The following AGPAT4 variants were observed in gnomAD, a reference collection of about 807,000 sequenced individuals.
AGPAT4 encodes 1-acyl-sn-glycerol-3-phosphate acyltransferase delta.
AGPAT4 carries 15 observed loss-of-function variants against 48.0 expected under a neutral mutation model. The observed-to-expected ratio is 0.31, with a 90% CI of 0.21 to 0.48. The LOEUF (loss-of-function observed/expected upper bound fraction) is 0.48. AGPAT4 is among the 20% of genes least tolerant of loss of function. The pLI is 0.99. For synonymous variants in AGPAT4, 178 were observed against 198.7 expected (o/e 0.90, Z 0.88); for missense variants, 314 against 482.5 (o/e 0.65, Z 3.27).
At chr6:161,172,583 G>A (rs1780295601) in intron 2 of AGPAT4, among the ~76,000 whole-genome samples, 1 of 152,214 alleles carries the variant, frequency 6.6e-6, no homozygotes, top group African/African-American at 2.4e-5. Flanking sequence ...CAGAGATGTG[G>A]TCAGGGCTTC....
At position 161,261,468 on chromosome 6, in the gene AGPAT4, G is replaced by GA. The variant is rs1783097573; in HGVS notation, c.-90+12469dup. ...GGTGGTTAATAAATATCCATAGAAT[G>GA]AATGAACTGAATGGTCAGTCACATT... On this transcript the variant is annotated intron_variant, in intron 1 of 8. Transcript: ENST00000320285. This position sits in a 1 kb window ranked among gnomAD's most constrained non-coding sequence, Gnocchi z 5.3. 6.6e-6 allele frequency among the ~76,000 whole-genome samples: 1 copy of GA among 152,194 alleles called. No homozygotes were observed. The highest frequency in any genetic ancestry group is 2.1e-4 in the South Asian group (1 of 4,822).
In AGPAT4 at chr6:161,170,473, GCACA is replaced by G. The variant is rs3839450; in HGVS notation, c.179-4060_179-4057del. Among the ~76,000 whole-genome samples, 442 of 32,636 alleles carry G rather than the reference GCACA, an allele frequency of 0.014. 6 individuals carry two copies. In the South Asian group the frequency reaches 0.15, roughly 11 times the overall value. The allele number at this position is 32,636 out of a possible 152,430, so 21.4% of individuals were successfully genotyped here. ...CATGCGCGTGCACACGTGCGCGCGC[GCACA>G]CACACACACACACACACACACACAC... On this transcript the variant is annotated intron_variant, in intron 2 of 8. Transcript: ENST00000320285.
At position 161,184,448 on chromosome 6, in the gene AGPAT4, T is replaced by G. The variant is rs990250194; in HGVS notation, c.179-18031A>C. Reference sequence around the variant, plus strand: ...GGAGAGGAAGGTGTGTGGAGGGAGATAGAGGGGCAGGTGATGGAGGAGTCT... The same window carrying G: ...GGAGAGGAAGGTGTGTGGAGGGAGAGAGAGGGGCAGGTGATGGAGGAGTCT... On this transcript the variant is annotated intron_variant, in intron 2 of 8. Transcript: ENST00000320285. This position sits in a 1 kb window ranked among gnomAD's most constrained non-coding sequence, Gnocchi z 4.8. Among the ~76,000 whole-genome samples the G allele has an allele frequency of 6.6e-6, 1 of 151,438 alleles. No individual in the cohort carries two copies. The highest frequency in any genetic ancestry group is 6.6e-5 in the Admixed American group (1 of 15,186).
At position 161,206,494 on chromosome 6, in the gene AGPAT4, C is replaced by T. The variant is rs1781382074; in HGVS notation, c.178+25542G>A. ...CTGGGGGCAGAGTGGGGAACCTGGA[C>T]TTCTACCCTTACCTGGCAATAATAA... On this transcript the variant is annotated intron_variant, in intron 2 of 8. Transcript: ENST00000320285. This position sits in a 1 kb window ranked among gnomAD's most constrained non-coding sequence, Gnocchi z 4.8. 6.6e-6 allele frequency among the ~76,000 whole-genome samples: 1 copy of T among 152,208 alleles called. No individual in the cohort carries two copies. Among genetic ancestry groups the T allele is most frequent in the Admixed American group, 6.5e-5 (1 of 15,278 alleles).
chr6:161,152,771 G>A (rs1239284402), intron 5 of AGPAT4, among the ~76,000 whole-genome samples: 4 of 152,182 alleles, frequency 2.6e-5, no homozygotes, highest in Non-Finnish European at 4.4e-5. Context: ...CCACGGAAAG[G>A]GCCAAGGGAC....
In AGPAT4 at chr6:161,196,574, G is replaced by A. The variant is rs950702024; in HGVS notation, c.179-30157C>T. On this transcript the variant is annotated intron_variant, in intron 2 of 8. Coordinates refer to ENST00000320285, the MANE Select transcript of AGPAT4 (RefSeq NM_020133.3). The surrounding 1 kb of genome is among the most constrained non-coding windows in gnomAD (Gnocchi z 4.3). ...TGTAATCCCAGCATTTTGGGAGGCC[G>A]AGTCAGGCGGATCACTTGAGGTCAA... 1.3e-5 allele frequency among the ~76,000 whole-genome samples: 2 copies of A among 152,004 alleles called. No homozygotes were observed. The highest frequency in any genetic ancestry group is 2.9e-5 in the Non-Finnish European group (2 of 67,994).
rs1783456237 is a variant in AGPAT4, at chr6:161,272,503, G to A, written c.-90+1435C>T. 7.4e-6 allele frequency among the ~76,000 whole-genome samples: 1 copy of A among 134,864 alleles called. No individual in the cohort carries two copies. Among genetic ancestry groups the A allele is most frequent in the Admixed American group, 7.6e-5 (1 of 13,114 alleles). 88.5% of individuals were successfully genotyped at this position (134,864 alleles called of 152,430 possible). On this transcript the variant is annotated intron_variant, in intron 1 of 8. Transcript: ENST00000320285. The surrounding 1 kb of genome is among the most constrained non-coding windows in gnomAD (Gnocchi z 4.2). ...TCAGTTTAGCCGGTACCTGTTAAGA[G>A]GCTATGTCTTTCTAAGAGATGTGTT...
rs1231058644 is a variant in AGPAT4 at position 161,249,129 on chromosome 6, C to T, written c.-89-16827G>A. 6.6e-6 allele frequency among the ~76,000 whole-genome samples: 1 copy of T among 152,188 alleles called. No homozygotes were observed. The highest frequency in any genetic ancestry group is 1.5e-5 in the Non-Finnish European group (1 of 68,042). ...GCTAGCTATATGCAGAAGATTGAAA[C>T]TGGACACCTTCCTTATGCCATATAC... On this transcript the variant is annotated intron_variant, in intron 1 of 8. Transcript: ENST00000320285. This position sits in a 1 kb window ranked among gnomAD's most constrained non-coding sequence, Gnocchi z 6.2.
Position 161,130,908 on chromosome 6 carries a change from T to C in AGPAT4, c.*5632A>G, listed in dbSNP as rs1778880631. 1.9e-6 allele frequency: 1 copy of C among 518,950 alleles called. No individual in the cohort carries two copies. Among genetic ancestry groups the C allele is most frequent in the Non-Finnish European group, 3.8e-6 (1 of 259,870 alleles). 32.1% of individuals were successfully genotyped at this position (518,950 alleles called of 1,614,324 possible). ...GAGAGAATGGCATTCCAAAATTCCA[T>C]GGATGACTTTTCTGAATGTCCTAGA... On this transcript the variant is annotated 3_prime_UTR_variant, in exon 9 of 9. Transcript: ENST00000320285.
At chr6:161,230,322 T>C (rs1456826489) in intron 2 of AGPAT4, among the ~76,000 whole-genome samples, 1 of 152,168 alleles carries the variant, frequency 6.6e-6, no homozygotes, top group African/African-American at 2.4e-5. Flanking sequence ...AGTAGAAACA[T>C]ACAGGATTTC....
In AGPAT4 at chr6:161,165,220, C is replaced by T. The variant is rs1780059760; in HGVS notation, c.348+1028G>A. Among the ~76,000 whole-genome samples the T allele has an allele frequency of 1.3e-5, 2 of 152,206 alleles. No homozygotes were observed. The highest frequency in any genetic ancestry group is 2.1e-4 in the South Asian group (1 of 4,836). Reference sequence around the variant, plus strand: ...CTAGAAATATATTTGCACACACACACACGTGTACACACAAGAAGATATCAA... The same window carrying T: ...CTAGAAATATATTTGCACACACACATACGTGTACACACAAGAAGATATCAA... On this transcript the variant is annotated intron_variant, in intron 3 of 8. Coordinates refer to ENST00000320285, the MANE Select transcript of AGPAT4 (RefSeq NM_020133.3). The surrounding 1 kb of genome is among the most constrained non-coding windows in gnomAD (Gnocchi z 5.5).
In AGPAT4 at chr6:161,261,343, C is replaced by T. The variant is rs1783094633; in HGVS notation, c.-90+12595G>A. On this transcript the variant is annotated intron_variant, in intron 1 of 8. Coordinates refer to ENST00000320285, the MANE Select transcript of AGPAT4 (RefSeq NM_020133.3). This position sits in a 1 kb window ranked among gnomAD's most constrained non-coding sequence, Gnocchi z 5.3. ...CATGACGTTGACAAGTGCTATTTCC[C>T]TTCGTGTGTATATCTGCCATCCCAC... Among the ~76,000 whole-genome samples the T allele has an allele frequency of 6.6e-6, 1 of 152,248 alleles. No homozygotes were observed. Among genetic ancestry groups the T allele is most frequent in the African/African-American group, 2.4e-5 (1 of 41,468 alleles).
intron 2 of AGPAT4, among the ~76,000 whole-genome samples, chr6:161,213,909 T>A (rs1012616890): frequency 7.9e-5 from 12 of 152,104 alleles, no homozygotes; most frequent in African/African-American, 2.2e-4. Flanking sequence ...TCCAAAAAAA[T>A]TTTTTAAAGT....
chr6:161,146,603 C>T lies in AGPAT4; in HGVS notation c.768-4G>A, dbSNP rs574877874. On this transcript the variant is annotated splice_polypyrimidine_tract_variant and splice_region_variant and intron_variant, in intron 6 of 8. Transcript: ENST00000320285. The surrounding 1 kb of genome is among the most constrained non-coding windows in gnomAD (Gnocchi z 7.1). ...GATGTCTTCCAGTGGGATCCTCCTG[C>T]AAAGGCAGAGAGCAGCTAGCAGAGA... The T allele has an allele frequency of 3.1e-6, 5 of 1,614,062 alleles. No individual in the cohort carries two copies. Among genetic ancestry groups the T allele is most frequent in the Non-Finnish European group, 3.4e-6 (4 of 1,179,982 alleles).
chr6:161,260,739 T>A (rs886786656), intron 1 of AGPAT4, among the ~76,000 whole-genome samples: 2 of 148,128 alleles, frequency 1.4e-5, no homozygotes, highest in African/African-American at 5.0e-5. Context: ...ATACAAACAT[T>A]AGCTGGGTGT....
intron 2 of AGPAT4, among the ~76,000 whole-genome samples, chr6:161,224,167 T>A (rs1445050125): frequency 6.6e-6 from 1 of 152,216 alleles, no homozygotes; most frequent in African/African-American, 2.4e-5. Context: ...TGGTCTTTTG[T>A]TGTTGCTTGT....
At chr6:161,194,038 C>T (rs1025098180) in intron 2 of AGPAT4, among the ~76,000 whole-genome samples, 2 of 152,150 alleles carry the variant, frequency 1.3e-5, no homozygotes, top group Non-Finnish European at 2.9e-5. Flanking sequence ...CTGTCCACTC[C>T]ATTAGCCACC....
Position 161,132,814 on chromosome 6 carries a change from G to C in AGPAT4, c.*3726C>G, listed in dbSNP as rs370443538. 1 of 152,232 alleles carries C rather than the reference G, an allele frequency of 6.6e-6. No individual in the cohort carries two copies. The highest frequency in any genetic ancestry group is 1.5e-5 in the Non-Finnish European group (1 of 68,078). 9.4% of individuals were successfully genotyped at this position (152,232 alleles called of 1,614,324 possible). The stretch of plus-strand genomic sequence containing the variant: ...CAGGACCTTGGAGAGTTGCATTTTG[G>C]GGGGCTCTCCTAGAAGCTCTGGGGG... On this transcript the variant is annotated 3_prime_UTR_variant, in exon 9 of 9. Coordinates refer to ENST00000320285, the MANE Select transcript of AGPAT4 (RefSeq NM_020133.3).
At chr6:161,224,614 C>T (rs1248506577) in intron 2 of AGPAT4, among the ~76,000 whole-genome samples, 3 of 136,364 alleles carry the variant, frequency 2.2e-5, no homozygotes, top group Non-Finnish European at 3.1e-5. Context: ...GCACTCCAGC[C>T]TGGGTGACAG....
Sources: gnomAD v4.1 joint callset for allele counts (sites outside exome capture counted in the v4.1 genomes callset) on GRCh38, gnomAD v4.1.1 for gene constraint, Gnocchi (gnomAD v3.1) non-coding constraint, MANE v1.5 for transcripts, NCBI Gene and HGNC (gene_info 2026-07-23, HGNC 2026-07-21) for gene names.